SKAP2: variants seen among roughly 807,000 people sequenced by gnomAD.
The protein encoded by SKAP2 is src kinase associated phosphoprotein 2.
Under a neutral mutation model 54.9 loss-of-function variants are expected in SKAP2, and 28 were observed. The ratio of observed to expected loss-of-function variants is 0.51; its 90% CI spans 0.38 to 0.70. The LOEUF is 0.70. Ranked by LOEUF, SKAP2 falls within the 30% of genes least tolerant of loss-of-function variation. The pLI is 0.00. For synonymous variants in SKAP2, 137 were observed against 134.3 expected (o/e 1.02, Z -0.14); for missense variants, 356 against 424.1 (o/e 0.84, Z 1.41).
At chr7:26,751,586 C>G (rs931709015) in intron 4 of SKAP2, among the ~76,000 whole-genome samples, 17 of 152,218 alleles carry the variant, frequency 1.1e-4, no homozygotes, top group Non-Finnish European at 2.2e-4. Flanking sequence ...AGTACCTACT[C>G]TGGTTTAAAG....
chr7:26,755,124 T>C (rs1010618461), intron 4 of SKAP2, among the ~76,000 whole-genome samples: 2 of 152,238 alleles, frequency 1.3e-5, no homozygotes, highest in Non-Finnish European at 2.9e-5. Context: ...ATGTTTTATC[T>C]ACCTTAATAT....
intron 4 of SKAP2, among the ~76,000 whole-genome samples, chr7:26,812,399 C>T (rs1562620259): frequency 6.6e-6 from 1 of 152,100 alleles, no homozygotes; most frequent in Non-Finnish European, 1.5e-5. Flanking sequence ...GGATAATTCA[C>T]ACCAGTGCAC....
intron 11 of SKAP2, among the ~76,000 whole-genome samples, chr7:26,675,604 CTAAG>C (rs1363889998): frequency 6.6e-6 from 1 of 152,180 alleles, no homozygotes; most frequent in African/African-American, 2.4e-5. Flanking sequence ...ATTAAATAGA[CTAAG>C]TCTTCATTTT....
chr7:26,802,822 A>C (rs912746164), intron 4 of SKAP2, among the ~76,000 whole-genome samples: 9 of 152,066 alleles, frequency 5.9e-5, no homozygotes, highest in African/African-American at 1.9e-4. Context: ...CAGAGGTTGC[A>C]GTGAGTCAAG....
chr7:26,666,467 A>C (rs1247949037), downstream of SKAP2, among the ~76,000 whole-genome samples: 1 of 152,192 alleles, frequency 6.6e-6, no homozygotes, highest in Non-Finnish European at 1.5e-5. Context: ...ATAAGAACTA[A>C]GAGTGAGCCT....
At position 26,843,940 on chromosome 7, in the gene SKAP2, A is replaced by G. The variant is rs938921008; in HGVS notation, c.307+90T>C. The G allele has an allele frequency of 5.0e-5, 40 of 802,096 alleles. No homozygotes were observed. The East Asian group carries it at 9.1e-4, about 18-fold the overall frequency. 49.7% of individuals were successfully genotyped at this position (802,096 alleles called of 1,614,324 possible). ...TAAAGGTAAGTTAACCGAAGCCTCT[A>G]TGTTCATCTGCTTTCTCATAAAACT... On this transcript the variant is annotated intron_variant, in intron 4 of 12. Transcript: ENST00000345317.
At chr7:26,741,691 T>C (rs1782459429) in intron 4 of SKAP2, among the ~76,000 whole-genome samples, 1 of 152,156 alleles carries the variant, frequency 6.6e-6, no homozygotes, top group African/African-American at 2.4e-5. Context: ...TCATGCATTG[T>C]ATGCCTGTAT....
chr7:26,758,139 G>A (rs76178013), intron 4 of SKAP2, among the ~76,000 whole-genome samples: 16,113 of 151,944 alleles, frequency 0.11, 1,131 homozygotes, highest in African/African-American at 0.19. Context: ...TTAAAACTCA[G>A]GAAAAAAGTC....
intron 4 of SKAP2, among the ~76,000 whole-genome samples, chr7:26,765,443 C>T (rs1485346367): frequency 1.3e-5 from 2 of 152,076 alleles, no homozygotes; most frequent in Admixed American, 1.3e-4. Flanking sequence ...ATGATAGTTT[C>T]TTTTGCTGTG....
intron 9 of SKAP2, among the ~76,000 whole-genome samples, chr7:26,721,340 T>C (rs1376883638): frequency 3.3e-5 from 5 of 152,178 alleles, no homozygotes; most frequent in Non-Finnish European, 7.4e-5. Flanking sequence ...TGTAAACTAC[T>C]TCAAATTAAA....
At chr7:26,663,127 A>G (rs1462622371), downstream of SKAP2, among the ~76,000 whole-genome samples, 1 of 152,116 alleles carries the variant, frequency 6.6e-6, no homozygotes, top group East Asian at 1.9e-4. Context: ...GATGTTCTGA[A>G]TAGTAGGCAT....
At chr7:26,704,350 C>G (rs1039483808) in intron 9 of SKAP2, among the ~76,000 whole-genome samples, 9 of 152,174 alleles carry the variant, frequency 5.9e-5, no homozygotes, top group Non-Finnish European at 8.8e-5. Context: ...CTGAAGCAAG[C>G]AGGGCTGAGA....
At chr7:26,659,504 C>T in the SKAP2 span, among the ~76,000 whole-genome samples, 1 of 152,060 alleles carries the variant, frequency 6.6e-6, no homozygotes, top group Non-Finnish European at 1.5e-5. Context: ...AGTTGGTTAA[C>T]GTTTGAAAAG....
intron 4 of SKAP2, among the ~76,000 whole-genome samples, chr7:26,794,482 T>C (rs1355710603): frequency 6.6e-6 from 1 of 152,216 alleles, no homozygotes; most frequent in Non-Finnish European, 1.5e-5. Flanking sequence ...GCCCTGAGTT[T>C]TGGGTTGGAT....
At position 26,820,476 on chromosome 7, in the gene SKAP2, C is replaced by G. The variant is rs149966850; in HGVS notation, c.307+23554G>C. 3.3e-5 allele frequency among the ~76,000 whole-genome samples: 5 copies of G among 152,260 alleles called. No homozygotes were observed. The East Asian group carries it at 9.6e-4, about 29-fold the overall frequency. On this transcript the variant is annotated intron_variant, in intron 4 of 12. Coordinates refer to ENST00000345317, the MANE Select transcript of SKAP2 (RefSeq NM_003930.5). ...ACATTTTAAATCCATTGGCATATTT[C>G]TAACAAAATAATCCAGTTAATGCTT...
chr7:26,835,546 A>C (rs1293987537), intron 4 of SKAP2, among the ~76,000 whole-genome samples: 4 of 152,318 alleles, frequency 2.6e-5, no homozygotes, highest in African/African-American at 7.2e-5. Flanking sequence ...CCTATACACC[A>C]ATAATAGACA....
chr7:26,746,244 A>ATCAT (rs1782558021), intron 4 of SKAP2, among the ~76,000 whole-genome samples: 1 of 152,220 alleles, frequency 6.6e-6, no homozygotes, highest in Non-Finnish European at 1.5e-5. Context: ...CTCAGAACTC[A>ATCAT]TCATTCCACA....
chr7:26,762,124 T>G (rs1371661509), intron 4 of SKAP2, among the ~76,000 whole-genome samples: 2 of 152,076 alleles, frequency 1.3e-5, no homozygotes. Context: ...GTTCAATTTA[T>G]TCATAGCTTT....
chr7:26,681,398 C>T (rs867034674), intron 11 of SKAP2, among the ~76,000 whole-genome samples: 28 of 152,278 alleles, frequency 1.8e-4, no homozygotes, highest in Middle Eastern at 3.4e-3. Context: ...GAGCCGAGAT[C>T]GTGCCATTGC....
Sources: allele counts gnomAD v4.1 joint callset (sites outside exome capture counted in the v4.1 genomes callset), GRCh38; gene constraint gnomAD v4.1.1; transcripts MANE v1.5; gene names NCBI Gene and HGNC (gene_info 2026-07-23, HGNC 2026-07-21).